The following KAZN variants were observed in gnomAD, a reference collection of about 807,000 sequenced individuals.
KAZN encodes the protein kazrin, periplakin interacting protein.
In KAZN, 40 loss-of-function variants were observed where a neutral mutation model predicts 87.4. That is an observed-to-expected ratio of 0.46 (90% CI 0.36 to 0.60). The LOEUF is 0.60. Among genes scored for constraint, KAZN ranks in the 20% least tolerant of loss-of-function variants. The pLI is 0.00. For synonymous variants in KAZN, 466 were observed against 458.3 expected (o/e 1.02, Z -0.22); for missense variants, 898 against 1,073.9 (o/e 0.84, Z 2.29).
At chr1:13,928,785 T>A (rs773361659) in intron 1 of KAZN, among the ~76,000 whole-genome samples, 49 of 152,274 alleles carry the variant, frequency 3.2e-4, no homozygotes, top group African/African-American at 1.1e-3. Context: ...AATATTTTGA[T>A]CTTTAATTTT....
intron 1 of KAZN, among the ~76,000 whole-genome samples, chr1:13,908,178 T>A (rs1280231308): frequency 2.0e-5 from 3 of 152,238 alleles, no homozygotes. Flanking sequence ...TATTTTTAGT[T>A]ACATCAGAAA....
At chr1:14,071,182 CAG>C (rs772812054) in intron 1 of KAZN, among the ~76,000 whole-genome samples, 2 of 152,074 alleles carry the variant, frequency 1.3e-5, no homozygotes, top group Non-Finnish European at 2.9e-5. Context: ...ACTCAGGACA[CAG>C]AGTTTAGCTG....
intron 1 of KAZN, among the ~76,000 whole-genome samples, chr1:14,876,084 A>C (rs1050044237): frequency 6.6e-6 from 1 of 152,240 alleles, no homozygotes; most frequent in Non-Finnish European, 1.5e-5. Context: ...AAGCCCAGAC[A>C]AGCCAAGTGG....
chr1:14,358,683 C>T (rs4661485), intron 2 of KAZN, among the ~76,000 whole-genome samples: 48,916 of 151,878 alleles, frequency 0.32, 8,685 homozygotes, highest in Middle Eastern at 0.44. Flanking sequence ...TGTTATTTAC[C>T]CAGTAGTCAT....
intron 1 of KAZN, among the ~76,000 whole-genome samples, chr1:13,897,431 T>C (rs1042841506): frequency 2.0e-5 from 3 of 152,192 alleles, no homozygotes; most frequent in Non-Finnish European, 2.9e-5. Flanking sequence ...CATGGTGCTG[T>C]GGTTTTCTCA....
intron 2 of KAZN, among the ~76,000 whole-genome samples, chr1:14,342,743 G>A (rs1340272115): frequency 6.6e-6 from 1 of 152,208 alleles, no homozygotes; most frequent in Non-Finnish European, 1.5e-5. Context: ...AGGCAAGTCA[G>A]CACATTCAGA....
At chr1:14,469,629 G>T (rs1376878468) in intron 2 of KAZN, among the ~76,000 whole-genome samples, 1 of 152,154 alleles carries the variant, frequency 6.6e-6, no homozygotes, top group Non-Finnish European at 1.5e-5. Context: ...AAAATTCTAG[G>T]TTCCAGGATG....
intron 2 of KAZN, among the ~76,000 whole-genome samples, chr1:14,456,999 G>T: frequency 6.6e-6 from 1 of 152,198 alleles, no homozygotes. Context: ...AAAATCGCTT[G>T]AACCCGGGAG....
chr1:15,001,179 T>C (rs1370935199), intron 2 of KAZN, among the ~76,000 whole-genome samples: 1 of 151,946 alleles, frequency 6.6e-6, no homozygotes, highest in Non-Finnish European at 1.5e-5. Context: ...TTCTGCAACA[T>C]GCCTGGGCGT....
In KAZN at chr1:13,936,096, G is replaced by GTTTTTTTTTTTTTT. The variant is rs70984301; in HGVS notation, c.91+42342_91+42355dup. 2.5e-3 allele frequency among the ~76,000 whole-genome samples: 216 copies of GTTTTTTTTTTTTTT among 84,824 alleles called. 36 individuals are homozygous for GTTTTTTTTTTTTTT. Among genetic ancestry groups the GTTTTTTTTTTTTTT allele is most frequent in the South Asian group, 7.9e-3 (13 of 1,652 alleles). 55.6% of individuals were successfully genotyped at this position (84,824 alleles called of 152,430 possible). ...TATAGATTTAGGTGGTACAAGTGCAGTTTTTTTTTTTTTTTGAGACAGAGT... is the reference window on the plus strand; with the variant it reads ...TATAGATTTAGGTGGTACAAGTGCAGTTTTTTTTTTTTTTTTTTTTTTTTTTTTTGAGACAGAGT... On this transcript the variant is annotated intron_variant, in intron 1 of 16. Transcript: ENST00000636203.
At chr1:14,762,447 C>T (rs1239849509) in intron 1 of KAZN, among the ~76,000 whole-genome samples, 4 of 152,138 alleles carry the variant, frequency 2.6e-5, no homozygotes, top group South Asian at 2.1e-4. Context: ...AAGAAGAGGC[C>T]GGGTGCGGTG....
chr1:14,838,321 A>C (rs1647520501), intron 1 of KAZN, among the ~76,000 whole-genome samples: 1 of 152,198 alleles, frequency 6.6e-6, no homozygotes. Flanking sequence ...CAACATATGA[A>C]ATTTAAGATC....
At chr1:14,037,976 A>G (rs1380168249) in intron 1 of KAZN, among the ~76,000 whole-genome samples, 2 of 152,166 alleles carry the variant, frequency 1.3e-5, no homozygotes, top group Non-Finnish European at 2.9e-5. Context: ...GGCTACCTGC[A>G]AAGCTTAAGG....
At chr1:14,192,454 C>T (rs1276521080) in intron 2 of KAZN, among the ~76,000 whole-genome samples, 1 of 152,144 alleles carries the variant, frequency 6.6e-6, no homozygotes, top group Non-Finnish European at 1.5e-5. Flanking sequence ...AAGCACAGAG[C>T]TTGAATTCAA....
chr1:14,752,525 C>T (rs994130085), intron 1 of KAZN, among the ~76,000 whole-genome samples: 1 of 152,146 alleles, frequency 6.6e-6, no homozygotes. Context: ...GCAGATTCAA[C>T]GTCTGGTGAG....
chr1:14,729,053 G>A (rs1024370633), intron 1 of KAZN, among the ~76,000 whole-genome samples: 5 of 151,924 alleles, frequency 3.3e-5, no homozygotes, highest in Admixed American at 6.6e-5. Context: ...TGGCCCTGGC[G>A]TGACCCTTGA....
intron 1 of KAZN, among the ~76,000 whole-genome samples, chr1:14,132,193 C>T (rs890936952): frequency 3.3e-5 from 5 of 152,184 alleles, no homozygotes; most frequent in African/African-American, 1.2e-4. Flanking sequence ...ATTGACACCC[C>T]ATCTCCTGTC....
intron 2 of KAZN, among the ~76,000 whole-genome samples, chr1:14,420,766 C>T (rs1056713774): frequency 5.3e-5 from 8 of 152,136 alleles, no homozygotes; most frequent in Non-Finnish European, 8.8e-5. Flanking sequence ...CCTCACTGCC[C>T]GGGGCCGGCG....
At chr1:14,860,556 T>C (rs1650717438) in intron 1 of KAZN, among the ~76,000 whole-genome samples, 1 of 152,208 alleles carries the variant, frequency 6.6e-6, no homozygotes, top group Admixed American at 6.5e-5. Flanking sequence ...GAGGGAGACC[T>C]ATAGACTTTC....
Sources: allele counts gnomAD v4.1 joint callset (sites outside exome capture counted in the v4.1 genomes callset), GRCh38; gene constraint gnomAD v4.1.1; transcripts MANE v1.5; gene names NCBI Gene and HGNC (gene_info 2026-07-23, HGNC 2026-07-21).